Variants in IFT80 observed in about 807,000 individuals in gnomAD.
IFT80 encodes intraflagellar transport 80.
A neutral mutation model predicts 107.9 loss-of-function variants in IFT80; 79 were observed. The ratio of observed to expected loss-of-function variants is 0.73; its 90% CI spans 0.61 to 0.88. The LOEUF is 0.88. Among genes scored for constraint, IFT80 ranks in the 40% least tolerant of loss-of-function variants. The pLI is 0.00. For missense variants in IFT80, 797 were observed against 914.2 expected, an observed-to-expected ratio of 0.87 and a Z score of 1.65; for synonymous variants, 299 against 300.9, an observed-to-expected ratio of 0.99 and a Z score of 0.07.
At chr3:160,301,248 A>G (rs1163670283) in intron 11 of IFT80, among the ~76,000 whole-genome samples, 1 of 151,976 alleles carries the variant, frequency 6.6e-6, no homozygotes, top group Non-Finnish European at 1.5e-5. Context: ...TTTTTGTTTT[A>G]TGATGAAGTA....
chr3:160,325,132 G>A (rs1184747870), intron 8 of IFT80, among the ~76,000 whole-genome samples: 1 of 151,628 alleles, frequency 6.6e-6, no homozygotes, highest in Non-Finnish European at 1.5e-5. Flanking sequence ...AATAAAAGAG[G>A]ATACAAAGAA....
intron 12 of IFT80, among the ~76,000 whole-genome samples, chr3:160,293,656 TAGA>T (rs971474713): frequency 1.6e-4 from 25 of 152,252 alleles, no homozygotes; most frequent in African/African-American, 5.5e-4. Flanking sequence ...TTCTGAGTGA[TAGA>T]AGTGCCATTA....
chr3:160,398,243 G>T (rs976607638), intron 1 of IFT80, among the ~76,000 whole-genome samples: 1 of 152,122 alleles, frequency 6.6e-6, no homozygotes, highest in African/African-American at 2.4e-5. Flanking sequence ...TGGTTGGGAG[G>T]GGGGTGGCTC....
rs1319758724 is a variant in IFT80 at position 160,290,436 on chromosome 3, AAG to A, written c.1316-4570_1316-4569del. Among the ~76,000 whole-genome samples, 3 of 151,932 alleles carry A rather than the reference AAG, an allele frequency of 2.0e-5. No individual in the cohort carries two copies. The East Asian group carries it at 5.8e-4, about 29-fold the overall frequency. On this transcript the variant is annotated intron_variant, in intron 12 of 19. Coordinates refer to ENST00000326448, the MANE Select transcript of IFT80 (RefSeq NM_020800.3). ...CAGAAAAAAAAAAAGAAAAAAAAAA[AAG>A]AAAAAAGAAAGTCCTAATGGGAGTC...
intron 12 of IFT80, among the ~76,000 whole-genome samples, chr3:160,291,903 A>G (rs1715589130): frequency 6.6e-6 from 1 of 152,198 alleles, no homozygotes; most frequent in Non-Finnish European, 1.5e-5. Flanking sequence ...CCCCCTGGGT[A>G]TATGAAGCAA....
At chr3:160,325,836 T>C (rs1718640537) in intron 8 of IFT80, among the ~76,000 whole-genome samples, 1 of 152,082 alleles carries the variant, frequency 6.6e-6, no homozygotes, top group Non-Finnish European at 1.5e-5. Context: ...AGGTCAAGTG[T>C]TGGAATTTTC....
At chr3:160,282,351 G>T in intron 14 of IFT80, 127 bp downstream of exon 14, 1 of 677,924 alleles carries the variant, frequency 1.5e-6, no homozygotes, top group East Asian at 2.9e-5. Flanking sequence ...TAAAAAAAGG[G>T]TTAAATAGCT....
chr3:160,341,565 C>T (rs1253298515), intron 8 of IFT80, among the ~76,000 whole-genome samples: 1 of 152,150 alleles, frequency 6.6e-6, no homozygotes, highest in Non-Finnish European at 1.5e-5. Context: ...GTGTACCAAA[C>T]CTAAGCTGAG....
chr3:160,292,694 G>T (rs936496043), intron 12 of IFT80, among the ~76,000 whole-genome samples: 12 of 152,168 alleles, frequency 7.9e-5, no homozygotes, highest in African/African-American at 1.7e-4. Context: ...TGGTCAGGTT[G>T]TTCAAACTCC....
chr3:160,273,763 G>A (rs1714009407), intron 18 of IFT80, among the ~76,000 whole-genome samples: 1 of 152,140 alleles, frequency 6.6e-6, no homozygotes, highest in Non-Finnish European at 1.5e-5. Flanking sequence ...AGTCTTAAGT[G>A]TATAGATAGT....
At chr3:160,342,112 C>A (rs1018739212) in intron 8 of IFT80, among the ~76,000 whole-genome samples, 1 of 152,088 alleles carries the variant, frequency 6.6e-6, no homozygotes, top group Non-Finnish European at 1.5e-5. Flanking sequence ...TAAGAGGAAG[C>A]AAGCAGGATG....
At position 160,381,620 on chromosome 3, in the gene IFT80, T is replaced by C. The variant is rs2108404384; in HGVS notation, c.142A>G (p.Thr48Ala). 1 of 1,613,034 alleles carries C rather than the reference T, an allele frequency of 6.2e-7. No homozygotes were observed. The highest frequency in any genetic ancestry group is 1.3e-5 in the African/African-American group (1 of 74,976). ...TCATCAGGAAGCTTTACTATTTGAG[T>C]TGTTTCACTGGTTAACAAGTTCCAC... ...VKWNLLTSET[T>A]QIVKLPDDIY... is the part of the protein sequence containing the mutation. Residue 48 changes from threonine (T) to alanine (A), a missense_variant, in exon 3 of 20, where the codon ACT (threonine) becomes GCT (alanine). Transcript: ENST00000326448.
intron 9 of IFT80, among the ~76,000 whole-genome samples, chr3:160,319,086 G>A (rs533346352): frequency 6.6e-6 from 1 of 151,982 alleles, no homozygotes; most frequent in Non-Finnish European, 1.5e-5. Context: ...CAAATGTAGC[G>A]TAAAAGCACA....
At chr3:160,382,190 C>T (rs1001806678) in intron 2 of IFT80, among the ~76,000 whole-genome samples, 3 of 152,192 alleles carry the variant, frequency 2.0e-5, no homozygotes, top group Non-Finnish European at 4.4e-5. Context: ...AAAAAATAAT[C>T]AAGTGTCAAA....
chr3:160,267,437 A>G (rs1713431499), intron 19 of IFT80, among the ~76,000 whole-genome samples: 1 of 152,180 alleles, frequency 6.6e-6, no homozygotes, highest in African/African-American at 2.4e-5. Context: ...AACCCCTAGC[A>G]TAGTGTCTAG....
chr3:160,375,864 T>C lies in IFT80; in HGVS notation c.387A>G (p.Gln129=), dbSNP rs1559968263. The part of the protein sequence containing the change: ...TALVTVGEDG[Q]IKIWSKTGML... ...TCCCAGTCTTTGACCAAATTTTTAT[T>C]TGTCCATCTTCTCCAACTATACAGG... is the stretch of plus-strand genomic sequence containing the variant. The change falls in exon 5 of 20, where the codon CAA becomes CAG. Residue 129 remains glutamine (Q), a synonymous_variant. Transcript: ENST00000326448. 3 of 1,609,156 alleles carry C rather than the reference T, an allele frequency of 1.9e-6. No individual in the cohort carries two copies. The highest frequency in any genetic ancestry group is 2.6e-6 in the Non-Finnish European group (3 of 1,176,094).
intron 19 of IFT80, among the ~76,000 whole-genome samples, chr3:160,265,042 G>T (rs369335649): frequency 6.6e-6 from 1 of 151,994 alleles, no homozygotes; most frequent in Admixed American, 6.6e-5. Flanking sequence ...ATAGCACCAC[G>T]TACATCTCCT....
chr3:160,296,248 T>C (rs536551664), intron 12 of IFT80, among the ~76,000 whole-genome samples: 2 of 152,290 alleles, frequency 1.3e-5, no homozygotes, highest in African/African-American at 4.8e-5. Flanking sequence ...AAAGTATTCA[T>C]TAAGATCATG....
chr3:160,313,377 C>A (rs1296365326), intron 9 of IFT80, among the ~76,000 whole-genome samples: 1 of 151,468 alleles, frequency 6.6e-6, no homozygotes, highest in East Asian at 1.9e-4. Context: ...TTTAAAAATA[C>A]AATTAATTGT....
Sources: gnomAD v4.1 joint callset for allele counts (sites outside exome capture counted in the v4.1 genomes callset) on GRCh38, gnomAD v4.1.1 for gene constraint, MANE v1.5 for transcripts, NCBI Gene and HGNC (gene_info 2026-07-23, HGNC 2026-07-21) for gene names.